Variants in EYS observed in about 807,000 individuals in gnomAD.
EYS encodes protein eyes shut homolog.
A neutral mutation model predicts 282.1 loss-of-function variants in EYS; 250 were observed. The observed-to-expected ratio is 0.89, with a 90% CI of 0.80 to 0.98. The LOEUF (loss-of-function observed/expected upper bound fraction) is 0.98, where lower values mean the gene tolerates loss of function less well. EYS is among the 50% of genes least tolerant of loss of function. The probability of loss-of-function intolerance (pLI) is 0.00; values close to 1 mark genes in which losing one functional copy is unlikely to be tolerated. For synonymous variants in EYS, 1,355 were observed against 1,282.9 expected (o/e 1.06, Z -1.20); for missense variants, 4,016 against 3,709.0 (o/e 1.08, Z -2.15).
chr6:64,391,080 G>T (rs1244897180), intron 28 of EYS, among the ~76,000 whole-genome samples: 5 of 152,080 alleles, frequency 3.3e-5, no homozygotes, highest in African/African-American at 1.2e-4. Flanking sequence ...AGAGAAAAAA[G>T]AATAAAAAGA....
intron 16 of EYS, among the ~76,000 whole-genome samples, chr6:64,911,839 C>G (rs1324235166): frequency 1.3e-5 from 2 of 152,100 alleles, no homozygotes; most frequent in Non-Finnish European, 2.9e-5. Context: ...ACTTTCTTCG[C>G]TTGCATATGA....
chr6:63,981,644 G>GA (rs1256471172), intron 35 of EYS, among the ~76,000 whole-genome samples: 6 of 151,860 alleles, frequency 4.0e-5, no homozygotes, highest in Non-Finnish European at 8.8e-5. Flanking sequence ...AGATCTGGAA[G>GA]TCTTTAAACA....
At chr6:64,161,894 T>A (rs944364104) in intron 31 of EYS, among the ~76,000 whole-genome samples, 6 of 152,204 alleles carry the variant, frequency 3.9e-5, no homozygotes, top group Non-Finnish European at 8.8e-5. Context: ...GTTTGCAGTT[T>A]GTTTATGTGA....
chr6:64,305,351 T>C (rs890258697), intron 30 of EYS, among the ~76,000 whole-genome samples: 1 of 72,506 alleles, frequency 1.4e-5, no homozygotes, highest in African/African-American at 6.0e-5. Context: ...AAAATCCCAG[T>C]GATTTTTTTT....
intron 29 of EYS, among the ~76,000 whole-genome samples, chr6:64,331,367 C>T (rs372910686): frequency 2.0e-5 from 3 of 151,930 alleles, no homozygotes; most frequent in African/African-American, 4.8e-5. Flanking sequence ...AACAGGAGGG[C>T]GTGACGAGGC....
intron 9 of EYS, among the ~76,000 whole-genome samples, chr6:65,350,636 T>C (rs548313483): frequency 3.3e-5 from 5 of 151,800 alleles, no homozygotes; most frequent in Admixed American, 2.0e-4. Context: ...GCATGATTCA[T>C]ATTGTCTTAC....
intron 16 of EYS, among the ~76,000 whole-genome samples, chr6:64,907,979 G>T (rs748605956): frequency 2.2e-4 from 34 of 152,174 alleles, no homozygotes; most frequent in Non-Finnish European, 4.1e-4. Context: ...GTGGGCAACT[G>T]AGGCTTCATA....
At position 64,394,739 on chromosome 6, in the gene EYS, A is replaced by C. The variant is rs551619582; in HGVS notation, c.5928-5899T>G. On this transcript the variant is annotated intron_variant, in intron 28 of 42. Coordinates refer to ENST00000503581, the MANE Select transcript of EYS (RefSeq NM_001142800.2). ...GGCATGGGCAAGGACTTCATGTCTA[A>C]AACACCAAAAGCAATGGCAACAAAA... Among the ~76,000 whole-genome samples, 1,296 of 152,140 alleles carry C rather than the reference A, an allele frequency of 8.5e-3. 23 individuals are homozygous for C. The highest frequency in any genetic ancestry group is 0.029 in the African/African-American group (1,188 of 41,466).
At chr6:64,009,903 G>GGTTT (rs567927911) in intron 33 of EYS, among the ~76,000 whole-genome samples, 1 of 152,028 alleles carries the variant, frequency 6.6e-6, no homozygotes, top group African/African-American at 2.4e-5. Context: ...ATGTGTTTTT[G>GGTTT]GTTTGTTTGT....
intron 2 of EYS, among the ~76,000 whole-genome samples, chr6:65,620,530 G>A (rs558076961): frequency 1.3e-5 from 2 of 151,322 alleles, no homozygotes; most frequent in South Asian, 2.1e-4. Context: ...TTTTTTGAAG[G>A]GTTTTTTGTG....
At chr6:65,372,641 C>T (rs986429718) in intron 8 of EYS, among the ~76,000 whole-genome samples, 1 of 151,842 alleles carries the variant, frequency 6.6e-6, no homozygotes, top group Non-Finnish European at 1.5e-5. Context: ...TGTAAAGCAA[C>T]AATTGTTTTA....
intron 35 of EYS, among the ~76,000 whole-genome samples, chr6:63,907,220 T>TTA (rs1773799769): frequency 6.6e-6 from 1 of 152,214 alleles, no homozygotes; most frequent in Non-Finnish European, 1.5e-5. Flanking sequence ...GTCCTCAAAC[T>TTA]TATCAAGTTT....
intron 12 of EYS, among the ~76,000 whole-genome samples, chr6:65,166,646 T>C (rs555986090): frequency 6.6e-6 from 1 of 151,210 alleles, no homozygotes; most frequent in African/African-American, 2.4e-5. Context: ...TACACCTTCA[T>C]GACCTTGGAT....
chr6:64,457,291 A>G (rs1775585378), intron 26 of EYS, among the ~76,000 whole-genome samples: 1 of 152,042 alleles, frequency 6.6e-6, no homozygotes, highest in South Asian at 2.1e-4. Context: ...TATATGATCT[A>G]TCCTAGAGAA....
rs1021074850 is a variant in EYS, at chr6:64,492,301, A to G, written c.5645-52949T>C. Among the ~76,000 whole-genome samples, 156 of 151,334 alleles carry G rather than the reference A, an allele frequency of 1.0e-3. 1 individual carries two copies. The highest frequency in any genetic ancestry group is 3.9e-4 in the East Asian group (2 of 5,128). On this transcript the variant is annotated intron_variant, in intron 26 of 42. Transcript: ENST00000503581. ...CAAATTCTAATGATTTCTGCTGAGT[A>G]TTATTCAATACTTAACATACATTTG...
intron 14 of EYS, among the ~76,000 whole-genome samples, chr6:64,974,013 T>C (rs1770389454): frequency 6.6e-6 from 1 of 151,948 alleles, no homozygotes; most frequent in Non-Finnish European, 1.5e-5. Flanking sequence ...AAAGAGAATA[T>C]ACACAGCAGC....
Position 65,219,036 on chromosome 6 carries a change from T to G in EYS, c.2023+76827A>C, listed in dbSNP as rs991647298. 8.5e-5 allele frequency among the ~76,000 whole-genome samples: 13 copies of G among 152,212 alleles called. No individual in the cohort carries two copies. The South Asian group carries it at 2.7e-3, about 32-fold the overall frequency. The stretch of plus-strand genomic sequence containing the variant: ...GAAGACAGAGAAGTTATTTCTTTAT[T>G]ATGATCTCAGCAAGCCTTAATTTAC... On this transcript the variant is annotated intron_variant, in intron 12 of 42. Coordinates refer to ENST00000503581, the MANE Select transcript of EYS (RefSeq NM_001142800.2).
intron 22 of EYS, among the ~76,000 whole-genome samples, chr6:64,698,284 G>C (rs1770655753): frequency 6.6e-6 from 1 of 151,640 alleles, no homozygotes. Flanking sequence ...AAAAAAATAG[G>C]AACAAATAAA....
intron 12 of EYS, among the ~76,000 whole-genome samples, chr6:65,266,230 A>G (rs1036656870): frequency 6.6e-6 from 1 of 151,914 alleles, no homozygotes; most frequent in African/African-American, 2.4e-5. Flanking sequence ...TTATTGCAAC[A>G]CCTGTAGAAC....
Sources: allele counts gnomAD v4.1 joint callset (sites outside exome capture counted in the v4.1 genomes callset), GRCh38; gene constraint gnomAD v4.1.1; transcripts MANE v1.5; gene names NCBI Gene and HGNC (gene_info 2026-07-23, HGNC 2026-07-21).